The following KCNMB2 variants were observed in gnomAD, a reference collection of about 807,000 sequenced individuals.
KCNMB2 encodes calcium-activated potassium channel subunit beta-2.
KCNMB2 carries 9 observed loss-of-function variants against 24.5 expected under a neutral mutation model. The ratio of observed to expected loss-of-function variants is 0.37; its 90% CI spans 0.22 to 0.64. The LOEUF (loss-of-function observed/expected upper bound fraction) is 0.64, where lower values mean the gene tolerates loss of function less well. KCNMB2 is among the 30% of genes least tolerant of loss of function. KCNMB2 has a pLI of 0.63. For synonymous variants in KCNMB2, 109 were observed against 104.4 expected, an observed-to-expected ratio of 1.04 and a Z score of -0.27; for missense variants, 226 against 284.3, an observed-to-expected ratio of 0.79 and a Z score of 1.47.
At chr3:178,573,516 G>T (rs1188530672) in intron 1 of KCNMB2, among the ~76,000 whole-genome samples, 1 of 151,404 alleles carries the variant, frequency 6.6e-6, no homozygotes, top group African/African-American at 2.4e-5. Context: ...AAGGCAGGAG[G>T]ATTGCTTGAG....
intron 1 of KCNMB2, among the ~76,000 whole-genome samples, chr3:178,684,147 T>C (rs1348756655): frequency 6.6e-6 from 1 of 152,066 alleles, no homozygotes; most frequent in Admixed American, 6.6e-5. Flanking sequence ...TCTATATATA[T>C]ACAATGAAAA....
intron 1 of KCNMB2, among the ~76,000 whole-genome samples, chr3:178,798,525 C>T (rs1335336878): frequency 6.6e-6 from 1 of 152,006 alleles, no homozygotes. Flanking sequence ...ACATATACAC[C>T]ATGGAATACT....
In KCNMB2 at chr3:178,687,526, T is replaced by G. The variant is rs1411750096; in HGVS notation, c.-67-119817T>G. Among the ~76,000 whole-genome samples the G allele has an allele frequency of 4.6e-5, 7 of 151,112 alleles. No homozygotes were observed. In the East Asian group the frequency reaches 1.3e-3, roughly 29 times the overall value. Reference sequence around the variant, plus strand: ...GTGCTGCTTATGGGAATTAACATAATGCTCAGGAATCAAGTGAATAAAACA... The same window carrying G: ...GTGCTGCTTATGGGAATTAACATAAGGCTCAGGAATCAAGTGAATAAAACA... On this transcript the variant is annotated intron_variant, in intron 1 of 4. Coordinates refer to ENST00000452583, the MANE Select transcript of KCNMB2 (RefSeq NM_181361.3).
At chr3:178,550,307 AATT>A (rs1715906783) in intron 1 of KCNMB2, among the ~76,000 whole-genome samples, 1 of 151,380 alleles carries the variant, frequency 6.6e-6, no homozygotes, top group South Asian at 2.1e-4. Context: ...AAAAAAAAAA[AATT>A]AGACGGGCAT....
chr3:178,719,968 CT>C (rs546154098), intron 1 of KCNMB2, among the ~76,000 whole-genome samples: 10 of 151,768 alleles, frequency 6.6e-5, no homozygotes, highest in Non-Finnish European at 1.0e-4. Flanking sequence ...GGTATATAAT[CT>C]TTTTTTTCAG....
In KCNMB2 at chr3:178,828,197, C is replaced by G. The variant is rs1401995800; in HGVS notation, c.247C>G (p.Gln83Glu). 6.2e-7 allele frequency: 1 copy of G among 1,613,618 alleles called. No individual in the cohort carries two copies. Among genetic ancestry groups the G allele is most frequent in the Non-Finnish European group, 8.5e-7 (1 of 1,179,760 alleles). ...YMQSVWTEES[Q>E]CTLLNASITE... ...CTGCAGCGTGTGGACCGAAGAGTCT[C>G]AATGCACCTTGCTGAATGCGTCCAT... Residue 83 changes from glutamine (Q) to glutamate (E), a missense_variant, in exon 4 of 5, where the codon CAA becomes GAA. Gln to Glu is a conservative substitution (Grantham distance 29). Transcript: ENST00000452583.
At chr3:178,601,470 G>A (rs774312215) in intron 1 of KCNMB2, among the ~76,000 whole-genome samples, 1 of 152,124 alleles carries the variant, frequency 6.6e-6, no homozygotes, top group African/African-American at 2.4e-5. Flanking sequence ...TCAGTTGTAC[G>A]AAAATAACAC....
chr3:178,608,863 C>A (rs746633692), intron 1 of KCNMB2, among the ~76,000 whole-genome samples: 2 of 152,166 alleles, frequency 1.3e-5, no homozygotes, highest in African/African-American at 2.4e-5. Context: ...TGTACGTATA[C>A]CACATTTTTC....
chr3:178,598,302 G>A (rs1179628720), intron 1 of KCNMB2, among the ~76,000 whole-genome samples: 1 of 152,054 alleles, frequency 6.6e-6, no homozygotes, highest in African/African-American at 2.4e-5. Context: ...ACTTTTCTGC[G>A]ATGCAAATTA....
intron 1 of KCNMB2, among the ~76,000 whole-genome samples, chr3:178,771,064 A>C (rs111665622): frequency 3.9e-5 from 6 of 152,320 alleles, no homozygotes; most frequent in African/African-American, 1.4e-4. Flanking sequence ...TTAAATTATA[A>C]TTATCTGGTT....
chr3:178,650,808 C>A (rs1028373087), intron 1 of KCNMB2, among the ~76,000 whole-genome samples: 2 of 152,214 alleles, frequency 1.3e-5, no homozygotes, highest in Non-Finnish European at 2.9e-5. Flanking sequence ...ATGGCAAAAA[C>A]CACACGATTA....
At chr3:178,819,883 A>G (rs1468918794) in intron 2 of KCNMB2, among the ~76,000 whole-genome samples, 2 of 152,178 alleles carry the variant, frequency 1.3e-5, no homozygotes, top group Non-Finnish European at 2.9e-5. Flanking sequence ...TTAGAAGGAT[A>G]TATTCACAAA....
chr3:178,674,849 T>C (rs2092397600), intron 1 of KCNMB2, among the ~76,000 whole-genome samples: 1 of 152,202 alleles, frequency 6.6e-6, no homozygotes, highest in African/African-American at 2.4e-5. Context: ...CCCCTTGCCA[T>C]TGCTGGAACA....
At chr3:178,692,932 T>C (rs2059492800) in intron 1 of KCNMB2, among the ~76,000 whole-genome samples, 1 of 152,218 alleles carries the variant, frequency 6.6e-6, no homozygotes, top group African/African-American at 2.4e-5. Context: ...ATTTGAGCCA[T>C]GTTTTGCAGT....
chr3:178,583,992 A>T (rs938687171), intron 1 of KCNMB2, among the ~76,000 whole-genome samples: 1 of 152,216 alleles, frequency 6.6e-6, no homozygotes, highest in Non-Finnish European at 1.5e-5. Context: ...TTAGGTTGAA[A>T]TCATTTATTT....
chr3:178,578,562 C>T (rs1717076196), intron 1 of KCNMB2, among the ~76,000 whole-genome samples: 1 of 152,096 alleles, frequency 6.6e-6, no homozygotes, highest in South Asian at 2.1e-4. Flanking sequence ...CTAAATGCCC[C>T]AGTTAAAAGA....
chr3:178,797,304 A>T (rs1181356468), intron 1 of KCNMB2, among the ~76,000 whole-genome samples: 1 of 152,182 alleles, frequency 6.6e-6, no homozygotes, highest in African/African-American at 2.4e-5. Flanking sequence ...TCTACCAAAC[A>T]CTTAAAGAAC....
intron 1 of KCNMB2, among the ~76,000 whole-genome samples, chr3:178,723,993 A>G (rs1230084277): frequency 2.0e-5 from 3 of 152,174 alleles, no homozygotes; most frequent in African/African-American, 7.2e-5. Context: ...TCCTTTGGGT[A>G]TATACCCAGT....
At chr3:178,652,405 GT>G (rs1047030818) in intron 1 of KCNMB2, among the ~76,000 whole-genome samples, 23 of 151,890 alleles carry the variant, frequency 1.5e-4, no homozygotes, top group African/African-American at 5.6e-4. Flanking sequence ...ATCATGGCAT[GT>G]GTATACCTAT....
Sources: allele counts gnomAD v4.1 joint callset (sites outside exome capture counted in the v4.1 genomes callset), GRCh38; gene constraint gnomAD v4.1.1; transcripts MANE v1.5; gene names NCBI Gene and HGNC (gene_info 2026-07-23, HGNC 2026-07-21).